Variants in SYTL5 observed in about 807,000 individuals in gnomAD.
SYTL5 encodes the protein synaptotagmin-like protein 5.
Under a neutral mutation model 55.9 loss-of-function variants are expected in SYTL5, and 34 were observed. The ratio of observed to expected loss-of-function variants is 0.61; its 90% CI spans 0.46 to 0.81. SYTL5 has a LOEUF of 0.81. Ranked by LOEUF, SYTL5 falls within the 30% of genes least tolerant of loss-of-function variation. SYTL5 has a pLI of 0.00. For synonymous variants in SYTL5, 221 were observed against 188.7 expected, an observed-to-expected ratio of 1.17 and a Z score of -1.40; for missense variants, 637 against 546.7, an observed-to-expected ratio of 1.17 and a Z score of -1.65.
At chrX:38,095,791 G>A (rs1404115203) in intron 8 of SYTL5, among the ~76,000 whole-genome samples, 2 of 110,447 alleles carry the variant, frequency 1.8e-5, no homozygotes, top group East Asian at 2.8e-4. Flanking sequence ...AAATTTAAGG[G>A]CCCATTCTAA....
the SYTL5 span, among the ~76,000 whole-genome samples, chrX:37,977,267 A>G: frequency 2.7e-5 from 3 of 110,663 alleles, no homozygotes; most frequent in Non-Finnish European, 5.7e-5. Context: ...ATATCTGCCT[A>G]GAGAAATTAG....
At chrX:37,926,937 T>TA in the SYTL5 span, among the ~76,000 whole-genome samples, 1 of 112,218 alleles carries the variant, frequency 8.9e-6, no homozygotes, top group Non-Finnish European at 1.9e-5. Flanking sequence ...ATCTACCACT[T>TA]ATGGAGGATT....
the SYTL5 span, among the ~76,000 whole-genome samples, chrX:37,899,447 A>G: frequency 1.8e-5 from 2 of 112,142 alleles, no homozygotes; most frequent in African/African-American, 6.5e-5. Flanking sequence ...TTAACTGATT[A>G]GGAAACTTAG....
chrX:37,973,274 G>A, the SYTL5 span, among the ~76,000 whole-genome samples: 21 of 111,258 alleles, frequency 1.9e-4, no homozygotes, highest in South Asian at 2.3e-3. Context: ...TGACTCCCTC[G>A]ACCCCTTAGG....
intron 1 of SYTL5, among the ~76,000 whole-genome samples, chrX:38,021,139 C>T (rs1158413906): frequency 9.0e-6 from 1 of 111,506 alleles, no homozygotes; most frequent in East Asian, 2.8e-4. Flanking sequence ...AAATTACCTC[C>T]CTTTGTCATT....
chrX:38,025,141 G>A (rs1003676871), intron 1 of SYTL5, among the ~76,000 whole-genome samples: 8 of 112,039 alleles, frequency 7.1e-5, no homozygotes, highest in South Asian at 3.7e-4. Flanking sequence ...GGTATTTTGC[G>A]TATGTGATTT....
the SYTL5 span, among the ~76,000 whole-genome samples, chrX:37,996,171 A>G: frequency 9.0e-6 from 1 of 111,587 alleles, no homozygotes; most frequent in East Asian, 2.8e-4. Flanking sequence ...TCCCTTTAAG[A>G]ATTGTGCTCA....
Position 38,126,872 on chromosome X carries a change from G to C in SYTL5, c.*142G>C. On this transcript the variant is annotated 3_prime_UTR_variant, in exon 17 of 17. Transcript: ENST00000297875. ...GGACATGAGGGGAGAGATGTCAGTA[G>C]TATGAACATTTAGGGTCTTGCTGAG... is the stretch of plus-strand genomic sequence containing the variant. 1 of 597,148 alleles carries C rather than the reference G, an allele frequency of 1.7e-6. No homozygotes were observed. The highest frequency in any genetic ancestry group is 2.5e-6 in the Non-Finnish European group (1 of 396,871). The allele number at this position is 597,148 out of a possible 1,213,427, so 49.2% of individuals were successfully genotyped here. A position where few individuals can be genotyped will look rare whatever the true frequency, so the allele number is the denominator to read the frequency against.
At chrX:37,970,137 T>C in the SYTL5 span, among the ~76,000 whole-genome samples, 3 of 111,772 alleles carry the variant, frequency 2.7e-5, no homozygotes, top group African/African-American at 9.8e-5. Context: ...TCTAGAAATA[T>C]TATTATGATT....
chrX:37,978,154 G>T, the SYTL5 span, among the ~76,000 whole-genome samples: 3 of 111,467 alleles, frequency 2.7e-5, no homozygotes, highest in Non-Finnish European at 3.8e-5. Flanking sequence ...CCAGCAGGAG[G>T]TCGTGGCAAA....
At chrX:38,115,960 A>C (rs1471168019) in intron 13 of SYTL5, among the ~76,000 whole-genome samples, 3 of 111,516 alleles carry the variant, frequency 2.7e-5, no homozygotes, top group African/African-American at 9.8e-5. Context: ...CTATTTGCCT[A>C]TTTTTGCTTT....
At chrX:38,067,872 G>T (rs1295947271) in intron 3 of SYTL5, among the ~76,000 whole-genome samples, 1 of 111,571 alleles carries the variant, frequency 9.0e-6, no homozygotes, top group Non-Finnish European at 1.9e-5. Flanking sequence ...TTGAATATCA[G>T]CCTTGGCAAA....
In SYTL5 at chrX:38,054,251, G is replaced by A; in HGVS notation, c.158G>A (p.Ser53Asn). Reference protein sequence around the residue: ...KNELLEAKRRSGKTQQEASRV... With the variant: ...KNELLEAKRRNGKTQQEASRV... ...GAACTCTTAGAAGCAAAACGTAGAA[G>A]TGGGAAAACTCAACAAGAGGCCAGC... Residue 53 changes from serine to asparagine, a missense_variant, in exon 3 of 17, where the codon AGT becomes AAT. Ser to Asn is a conservative substitution (Grantham distance 46, BLOSUM62 1). Coordinates refer to ENST00000297875, the MANE Select transcript of SYTL5 (RefSeq NM_138780.3). 3 of 1,211,121 alleles carry A rather than the reference G, an allele frequency of 2.5e-6. No individual in the cohort carries two copies. Among genetic ancestry groups the A allele is most frequent in the Non-Finnish European group, 3.4e-6 (3 of 895,293 alleles).
At chrX:37,989,834 G>C in the SYTL5 span, among the ~76,000 whole-genome samples, 1 of 110,739 alleles carries the variant, frequency 9.0e-6, no homozygotes, top group Admixed American at 9.6e-5. Flanking sequence ...TCTATCAACT[G>C]TTTACCTGGC....
intron 6 of SYTL5, among the ~76,000 whole-genome samples, chrX:38,079,015 G>A (rs185192584): frequency 6.9e-4 from 77 of 112,104 alleles, no homozygotes; most frequent in Non-Finnish European, 1.3e-3. Flanking sequence ...TCCCTTGAAC[G>A]TGCATTTATC....
At chrX:37,935,643 A>G in the SYTL5 span, among the ~76,000 whole-genome samples, 1 of 112,058 alleles carries the variant, frequency 8.9e-6, no homozygotes, top group Admixed American at 9.5e-5. Context: ...TGTTTTTTGT[A>G]TTATGTTGTA....
intron 5 of SYTL5, among the ~76,000 whole-genome samples, chrX:38,074,090 G>T (rs1936330920): frequency 9.0e-6 from 1 of 111,503 alleles, no homozygotes; most frequent in Admixed American, 9.5e-5. Flanking sequence ...CCAAAATAAA[G>T]ATTTATTAAT....
chrX:38,070,335 G>A (rs1936223717), intron 3 of SYTL5, among the ~76,000 whole-genome samples: 2 of 110,505 alleles, frequency 1.8e-5, no homozygotes, highest in Admixed American at 1.9e-4. Flanking sequence ...ATGCCTATTT[G>A]ACTCTCAGTT....
At chrX:38,018,865 C>A (rs1224439834) in intron 1 of SYTL5, among the ~76,000 whole-genome samples, 1 of 111,907 alleles carries the variant, frequency 8.9e-6, no homozygotes, top group Non-Finnish European at 1.9e-5. Context: ...CTCTTATTTT[C>A]CTTCCCACTA....
Sources: allele counts gnomAD v4.1 joint callset (sites outside exome capture counted in the v4.1 genomes callset), GRCh38; gene constraint gnomAD v4.1.1; transcripts MANE v1.5; gene names NCBI Gene and HGNC (gene_info 2026-07-23, HGNC 2026-07-21).